Variants in PRKCH observed in about 807,000 individuals in gnomAD.
PRKCH encodes the protein protein kinase C eta type.
PRKCH carries 28 observed loss-of-function variants against 82.5 expected under a neutral mutation model. The observed-to-expected ratio is 0.34, with a 90% confidence interval of 0.25 to 0.47. PRKCH has a LOEUF of 0.47. Ranked by LOEUF, PRKCH falls within the 20% of genes least tolerant of loss-of-function variation. The pLI, the probability that PRKCH is intolerant of heterozygous loss-of-function variation, is 1.00. For synonymous variants in PRKCH, 322 were observed against 327.4 expected (o/e 0.98, Z 0.18); for missense variants, 705 against 881.8 (o/e 0.80, Z 2.54).
chr14:61,280,360 C>G lies in PRKCH; in HGVS notation c.-19+92692C>G, dbSNP rs1472635881. On this transcript the variant is annotated intron_variant, in intron 1 of 3. Transcript: ENST00000555185. The surrounding 1 kb of genome is among the most constrained non-coding windows in gnomAD (Gnocchi z 5.0). Reference sequence around the variant, plus strand: ...CTGGCGGATGCGCGCGTACAGTTTGCGGAACGTGGGCAGCGCCGCCGTGCG... The same window carrying G: ...CTGGCGGATGCGCGCGTACAGTTTGGGGAACGTGGGCAGCGCCGCCGTGCG... 5.6e-6 allele frequency: 9 copies of G among 1,613,840 alleles called. No individual in the cohort carries two copies. The highest frequency in any genetic ancestry group is 6.8e-6 in the Non-Finnish European group (8 of 1,179,930).
chr14:61,529,983 A>C (rs1276708964), intron 11 of PRKCH, among the ~76,000 whole-genome samples: 1 of 152,190 alleles, frequency 6.6e-6, no homozygotes, highest in African/African-American at 2.4e-5. Flanking sequence ...AGTGTACGCC[A>C]TTCATGGCTA....
At chr14:61,201,281 T>C (rs2044479012) in intron 1 of PRKCH, among the ~76,000 whole-genome samples, 1 of 152,180 alleles carries the variant, frequency 6.6e-6, no homozygotes, top group South Asian at 2.1e-4. Context: ...AGGGTAGGTA[T>C]TATTATCTCA....
At chr14:61,248,794 ATGTATG>A (rs1387728515) in intron 1 of PRKCH, among the ~76,000 whole-genome samples, 186 of 4,308 alleles carry the variant, frequency 0.043, 1 homozygote, top group East Asian at 0.27. Flanking sequence ...GTATGTATGT[ATGTATG>A]TGTGTGTGTG....
chr14:61,388,657 A>G (rs2046627021), intron 1 of PRKCH, among the ~76,000 whole-genome samples: 1 of 152,170 alleles, frequency 6.6e-6, no homozygotes, highest in Non-Finnish European at 1.5e-5. Context: ...AAAATAATGT[A>G]TTTTTGACTT....
At chr14:61,474,905 A>T (rs2140316342) in intron 9 of PRKCH, among the ~76,000 whole-genome samples, 1 of 152,318 alleles carries the variant, frequency 6.6e-6, no homozygotes, top group Admixed American at 6.5e-5. Flanking sequence ...GGGGGAGAGG[A>T]AATGAATTCT....
At chr14:61,366,423 G>T (rs986221019) in intron 1 of PRKCH, among the ~76,000 whole-genome samples, 3 of 152,070 alleles carry the variant, frequency 2.0e-5, no homozygotes, top group African/African-American at 7.3e-5. Context: ...CTTGAGCAAA[G>T]ATAATGATTG....
At chr14:61,219,877 A>G (rs1376289561) in intron 1 of PRKCH, among the ~76,000 whole-genome samples, 1 of 152,184 alleles carries the variant, frequency 6.6e-6, no homozygotes, top group Admixed American at 6.5e-5. Context: ...CTTTGGTGTA[A>G]TATTGAGAAA....
Position 61,265,783 on chromosome 14 carries a change from A to G in PRKCH, c.-19+78115A>G, listed in dbSNP as rs373433936. On this transcript the variant is annotated intron_variant, in intron 1 of 3. Coordinates refer to the PRKCH transcript ENST00000555185. ...GGTGAGACTGGGCTAGGAGAATAAG[A>G]TCTAGGGAGAGCTCCAAATAAGAGC... Among the ~76,000 whole-genome samples the G allele has an allele frequency of 2.3e-3, 344 of 152,162 alleles. 13 individuals carry two copies. In the South Asian group the frequency reaches 0.067, roughly 30 times the overall value.
In PRKCH at chr14:61,280,137, G is replaced by C. The variant is rs1429978991; in HGVS notation, c.-19+92469G>C. 2 of 1,613,776 alleles carry C rather than the reference G, an allele frequency of 1.2e-6. No individual in the cohort carries two copies. Among genetic ancestry groups the C allele is most frequent in the Non-Finnish European group, 1.7e-6 (2 of 1,179,910 alleles). ...CCTGGTCCTGGTAGCGAATGTAGAC[G>C]ACCAGCATGACAAAGCCGGTGAGGA... On this transcript the variant is annotated intron_variant, in intron 1 of 3. Coordinates refer to the PRKCH transcript ENST00000555185. The surrounding 1 kb of genome is among the most constrained non-coding windows in gnomAD (Gnocchi z 5.0).
At chr14:61,345,314 T>C (rs1047934542) in intron 1 of PRKCH, among the ~76,000 whole-genome samples, 3 of 152,180 alleles carry the variant, frequency 2.0e-5, no homozygotes, top group African/African-American at 7.2e-5. Context: ...CCAGACTATG[T>C]AGGTTTTAGA....
chr14:61,395,300 G>GC lies in PRKCH; in HGVS notation c.427+4013dup, dbSNP rs958125677. On this transcript the variant is annotated intron_variant, in intron 2 of 13. Transcript: ENST00000332981. ...TAAGAAGGAAATGGAGCCCCCCCCC[G>GC]CATTTGCCTGCCACAGCTGTGGCAG... Among the ~76,000 whole-genome samples the GC allele has an allele frequency of 1.8e-4, 25 of 136,058 alleles. 1 individual carries two copies. Among genetic ancestry groups the GC allele is most frequent in the South Asian group, 7.7e-4 (3 of 3,892 alleles). The allele number at this position is 136,058 out of a possible 152,430, so 89.3% of individuals were successfully genotyped here. A position where few individuals can be genotyped will look rare whatever the true frequency, so the allele number is the denominator to read the frequency against.
rs760621607 is a variant in PRKCH at position 61,453,303 on chromosome 14, A to G, written c.910A>G (p.Lys304Glu). 3.1e-6 allele frequency: 5 copies of G among 1,614,046 alleles called. No individual in the cohort carries two copies. In the Admixed American group the frequency reaches 8.3e-5, roughly 27 times the overall value. Residue 304 changes from lysine to glutamate, a missense_variant, in exon 7 of 14, where the codon AAG becomes GAG. Coordinates refer to ENST00000332981, the MANE Select transcript of PRKCH (RefSeq NM_006255.5). ...TGGGGTAAATGCGGTGGAACTTGCCAAGACCCTGGCAGGGATGGGTCTCCA... is the reference window on the plus strand; with the variant it reads ...TGGGGTAAATGCGGTGGAACTTGCCGAGACCCTGGCAGGGATGGGTCTCCA... The part of the protein sequence containing the change: ...NCGVNAVELA[K>E]TLAGMGLQPG...
chr14:61,427,737 C>T (rs769982614), intron 2 of PRKCH, among the ~76,000 whole-genome samples: 3 of 152,046 alleles, frequency 2.0e-5, no homozygotes, highest in Non-Finnish European at 2.9e-5. Context: ...CAGGCATGCA[C>T]CACCATGCCC....
intron 10 of PRKCH, among the ~76,000 whole-genome samples, chr14:61,499,058 T>C (rs1886784542): frequency 1.3e-5 from 2 of 152,170 alleles, no homozygotes; most frequent in South Asian, 4.1e-4. Flanking sequence ...GGCGTTGTCA[T>C]GCGTTTGGCT....
intron 1 of PRKCH, chr14:61,281,245 G>A: frequency 2.7e-6 from 2 of 736,110 alleles, no homozygotes; most frequent in Non-Finnish European, 3.8e-6. Flanking sequence ...GACTGCTCGC[G>A]GGTCGGGTTT....
At chr14:61,446,689 T>G (rs974071786) in intron 4 of PRKCH, among the ~76,000 whole-genome samples, 1 of 152,258 alleles carries the variant, frequency 6.6e-6, no homozygotes, top group African/African-American at 2.4e-5. Flanking sequence ...TTGACCTGTA[T>G]GCTGTTAATC....
intron 1 of PRKCH, among the ~76,000 whole-genome samples, chr14:61,218,040 G>T (rs1400347664): frequency 6.6e-6 from 1 of 152,070 alleles, no homozygotes; most frequent in Non-Finnish European, 1.5e-5. Context: ...GGAACTACTC[G>T]GACCCGGCGC....
chr14:61,319,155 T>TCACCTTCCTCAGCTCCAGCCA (rs2045587356), upstream of PRKCH, among the ~76,000 whole-genome samples: 2 of 152,122 alleles, frequency 1.3e-5, no homozygotes, highest in African/African-American at 4.8e-5. Flanking sequence ...CACTCTCCCC[T>TCACCTTCCTCAGCTCCAGCCA]CACCTTCCTC....
At position 61,410,790 on chromosome 14, in the gene PRKCH, G is replaced by A. The variant is rs570788248; in HGVS notation, c.427+19502G>A. Among the ~76,000 whole-genome samples the A allele has an allele frequency of 3.9e-5, 6 of 152,264 alleles. No individual in the cohort carries two copies. The East Asian group carries it at 1.2e-3, about 29-fold the overall frequency. Reference sequence around the variant, plus strand: ...GCTACACATAAACATAGCCATCATGGCCAGGTCCCTTGGGTGGTCACATTT... The same window carrying A: ...GCTACACATAAACATAGCCATCATGACCAGGTCCCTTGGGTGGTCACATTT... On this transcript the variant is annotated intron_variant, in intron 2 of 13. Coordinates refer to ENST00000332981, the MANE Select transcript of PRKCH (RefSeq NM_006255.5).
Sources: allele counts gnomAD v4.1 joint callset (sites outside exome capture counted in the v4.1 genomes callset), GRCh38; gene constraint gnomAD v4.1.1; non-coding constraint Gnocchi (gnomAD v3.1); transcripts MANE v1.5; gene names NCBI Gene and HGNC (gene_info 2026-07-23, HGNC 2026-07-21).